PDE4D: variants seen among roughly 807,000 people sequenced by gnomAD.
The protein encoded by PDE4D is phosphodiesterase 4D.
PDE4D carries 24 observed loss-of-function variants against 87.4 expected under a neutral mutation model. The ratio of observed to expected loss-of-function variants is 0.27; its 90% CI spans 0.20 to 0.39. The LOEUF is 0.39. PDE4D is among the 10% of genes least tolerant of loss of function. The pLI, the probability that PDE4D is intolerant of heterozygous loss-of-function variation, is 1.00. For missense variants in PDE4D, 714 were observed against 1,041.0 expected (o/e 0.69, Z 4.32); for synonymous variants, 384 against 383.2 (o/e 1.00, Z -0.02).
chr5:59,531,528 A>C (rs184310731), intron 1 of PDE4D, among the ~76,000 whole-genome samples: 1 of 152,356 alleles, frequency 6.6e-6, no homozygotes, highest in East Asian at 1.9e-4. Flanking sequence ...TCTGTAGGTC[A>C]GAAGTCCAAC....
intron 1 of PDE4D, among the ~76,000 whole-genome samples, chr5:59,396,435 C>T (rs1412720971): frequency 1.0e-5 from 1 of 97,770 alleles, no homozygotes; most frequent in African/African-American, 5.0e-5. Flanking sequence ...ATTCAACATT[C>T]TTAAAGAAAA....
chr5:59,658,408 G>A (rs1025091340), intron 1 of PDE4D, among the ~76,000 whole-genome samples: 19 of 151,298 alleles, frequency 1.3e-4, no homozygotes, highest in Admixed American at 7.9e-4. Context: ...TTGAGACGGA[G>A]TCTCGCTCTG....
At position 59,265,758 on chromosome 5, in the gene PDE4D, C is replaced by T. The variant is rs27532; in HGVS notation, c.456-49790G>A. On this transcript the variant is annotated intron_variant, in intron 1 of 14. Transcript: ENST00000340635. ...GGCAAGCCACTTTACTTCATTAGGC[C>T]TCAGTCTGAGGAATAAGACTAATGA... is the stretch of plus-strand genomic sequence containing the variant. Among the ~76,000 whole-genome samples, 3,593 of 152,024 alleles carry T rather than the reference C, an allele frequency of 0.024. 507 individuals are homozygous for T. In the East Asian group the frequency reaches 0.43, roughly 18 times the overall value.
intron 1 of PDE4D, among the ~76,000 whole-genome samples, chr5:59,530,648 C>G (rs756791517): frequency 1.3e-5 from 2 of 151,952 alleles, no homozygotes; most frequent in Non-Finnish European, 2.9e-5. Flanking sequence ...ATGTGGAACC[C>G]ATGGATACGA....
Position 59,634,418 on chromosome 5 carries a change from A to G in PDE4D, c.455+258750T>C, listed in dbSNP as rs148429727. Among the ~76,000 whole-genome samples, 623 of 152,292 alleles carry G rather than the reference A, an allele frequency of 4.1e-3. 10 individuals are homozygous for G. Among genetic ancestry groups the G allele is most frequent in the African/African-American group, 0.015 (603 of 41,554 alleles). On this transcript the variant is annotated intron_variant, in intron 1 of 14. Transcript: ENST00000340635. ...ACATCTACAGAACTCTCCACCACAA[A>G]TCAACAGAATATACATTCTTCTCAG...
intron 1 of PDE4D, among the ~76,000 whole-genome samples, chr5:60,339,057 G>A (rs1758071260): frequency 6.6e-6 from 1 of 152,114 alleles, no homozygotes; most frequent in Admixed American, 6.5e-5. Flanking sequence ...GCACACTGTG[G>A]CCATAACCTT....
intron 1 of PDE4D, among the ~76,000 whole-genome samples, chr5:60,450,305 A>G (rs1369812077): frequency 6.6e-6 from 1 of 152,114 alleles, no homozygotes; most frequent in Non-Finnish European, 1.5e-5. Flanking sequence ...AGTATTAAGT[A>G]CATTTCACTA....
At chr5:59,735,199 T>C (rs1045321185) in intron 1 of PDE4D, among the ~76,000 whole-genome samples, 3 of 152,214 alleles carry the variant, frequency 2.0e-5, no homozygotes, top group African/African-American at 7.2e-5. Context: ...TAGAGTGATA[T>C]TGCAGTTATG....
intron 3 of PDE4D, among the ~76,000 whole-genome samples, chr5:59,947,210 G>A (rs1190560145): frequency 6.6e-6 from 1 of 152,190 alleles, no homozygotes; most frequent in African/African-American, 2.4e-5. Flanking sequence ...CTTTCCTAAA[G>A]GGAATATAAC....
chr5:59,369,823 G>A (rs1783674841), intron 1 of PDE4D, among the ~76,000 whole-genome samples: 1 of 152,112 alleles, frequency 6.6e-6, no homozygotes, highest in African/African-American at 2.4e-5. Flanking sequence ...TGGGTGGAGG[G>A]AAATGGGGCA....
intron 1 of PDE4D, among the ~76,000 whole-genome samples, chr5:59,773,072 C>G (rs1296780252): frequency 6.6e-6 from 1 of 152,042 alleles, no homozygotes; most frequent in Non-Finnish European, 1.5e-5. Context: ...GAATAACCAC[C>G]CAGTAAATAA....
At chr5:59,467,483 T>G (rs1440464767) in intron 1 of PDE4D, among the ~76,000 whole-genome samples, 1 of 152,314 alleles carries the variant, frequency 6.6e-6, no homozygotes, top group Non-Finnish European at 1.5e-5. Flanking sequence ...CCTTTTAACC[T>G]TTGCTATTTG....
intron 1 of PDE4D, among the ~76,000 whole-genome samples, chr5:59,287,765 T>C (rs541774655): frequency 5.3e-4 from 81 of 151,578 alleles, no homozygotes; most frequent in South Asian, 2.5e-3. Context: ...AGACTGAGAC[T>C]GAATCTGTTT....
intron 5 of PDE4D, among the ~76,000 whole-genome samples, chr5:59,043,161 C>T (rs890435823): frequency 2.6e-5 from 4 of 152,036 alleles, no homozygotes; most frequent in Non-Finnish European, 4.4e-5. Flanking sequence ...ATGAAGAGAA[C>T]AAGTCCAAAA....
chr5:59,821,804 A>G (rs939467106), intron 1 of PDE4D, among the ~76,000 whole-genome samples: 2 of 152,172 alleles, frequency 1.3e-5, no homozygotes, highest in Non-Finnish European at 2.9e-5. Flanking sequence ...ACTGTGGCCA[A>G]TTTCAATATG....
Position 59,700,981 on chromosome 5 carries a change from G to T in PDE4D, c.455+192187C>A, listed in dbSNP as rs140307131. ...TAGAATCTGATCTTGTCACATAATT[G>T]CTTGGAATGCTTCATGGTTTGAGGA... is the stretch of plus-strand genomic sequence containing the variant. On this transcript the variant is annotated intron_variant, in intron 1 of 14. Transcript: ENST00000340635. Among the ~76,000 whole-genome samples, 434 of 152,166 alleles carry T rather than the reference G, an allele frequency of 2.9e-3. 5 individuals carry two copies. Among genetic ancestry groups the T allele is most frequent in the African/African-American group, 0.01 (416 of 41,518 alleles).
intron 1 of PDE4D, among the ~76,000 whole-genome samples, chr5:59,395,209 C>T (rs1293067912): frequency 2.0e-5 from 3 of 151,932 alleles, no homozygotes; most frequent in African/African-American, 4.8e-5. Flanking sequence ...CCGGGAAGCT[C>T]CAACTGGGTG....
chr5:59,964,412 G>T (rs1054829032), intron 3 of PDE4D, among the ~76,000 whole-genome samples: 3 of 152,114 alleles, frequency 2.0e-5, no homozygotes, highest in African/African-American at 7.2e-5. Flanking sequence ...CTTCTTCACT[G>T]CTAGGCAGTT....
chr5:59,950,107 TAA>T (rs1758141685), intron 3 of PDE4D, among the ~76,000 whole-genome samples: 3 of 152,198 alleles, frequency 2.0e-5, no homozygotes, highest in Non-Finnish European at 4.4e-5. Flanking sequence ...TTATTTTTAT[TAA>T]GAGATCTTTA....
Sources: gnomAD v4.1 joint callset for allele counts (sites outside exome capture counted in the v4.1 genomes callset) on GRCh38, gnomAD v4.1.1 for gene constraint, MANE v1.5 for transcripts, NCBI Gene and HGNC (gene_info 2026-07-23, HGNC 2026-07-21) for gene names.